The following DLGAP2 variants were observed in gnomAD, a reference collection of about 807,000 sequenced individuals.
DLGAP2 encodes the protein DLG associated protein 2.
Under a neutral mutation model 100.3 loss-of-function variants are expected in DLGAP2, and 26 were observed. That is an observed-to-expected ratio of 0.26 (90% confidence interval 0.19 to 0.36). The LOEUF (loss-of-function observed/expected upper bound fraction) is 0.36, where lower values mean the gene tolerates loss of function less well. Among genes scored for constraint, DLGAP2 ranks in the 10% least tolerant of loss-of-function variants. The probability of loss-of-function intolerance (pLI) is 1.00; values close to 1 mark genes in which losing one functional copy is unlikely to be tolerated. For missense variants in DLGAP2, 1,858 were observed against 1,453.2 expected (o/e 1.28, Z -4.53); for synonymous variants, 886 against 630.1 (o/e 1.41, Z -6.08).
chr8:1,104,578 A>C (rs1804691710), intron 2 of DLGAP2, among the ~76,000 whole-genome samples: 1 of 152,178 alleles, frequency 6.6e-6, no homozygotes, highest in Non-Finnish European at 1.5e-5. Context: ...AATGGTTTCT[A>C]GCCTGGCCGA....
intron 2 of DLGAP2, among the ~76,000 whole-genome samples, chr8:983,061 C>T (rs1042154820): frequency 8.5e-5 from 13 of 152,128 alleles, no homozygotes; most frequent in South Asian, 2.1e-4. Flanking sequence ...ACTTTTCCTG[C>T]GGGATAGGAT....
intron 3 of DLGAP2, among the ~76,000 whole-genome samples, chr8:1,374,886 A>T (rs1802351499): frequency 6.6e-6 from 1 of 151,750 alleles, no homozygotes; most frequent in Non-Finnish European, 1.5e-5. Flanking sequence ...GTCTTCCGTG[A>T]CTCGCCTGTT....
chr8:1,177,549 G>C (rs1389985391), intron 2 of DLGAP2, among the ~76,000 whole-genome samples: 1 of 152,140 alleles, frequency 6.6e-6, no homozygotes, highest in African/African-American at 2.4e-5. Context: ...TCATTTGTTT[G>C]TGTCTTTACT....
At position 1,430,102 on chromosome 8, in the gene DLGAP2, C is replaced by G. The variant is rs374805822; in HGVS notation, c.107-71264C>G. Among the ~76,000 whole-genome samples, 3 of 145,384 alleles carry G rather than the reference C, an allele frequency of 2.1e-5. No individual in the cohort carries two copies. In the South Asian group the frequency reaches 6.8e-4, roughly 33 times the overall value. On this transcript the variant is annotated intron_variant, in intron 3 of 14. Coordinates refer to ENST00000637795, the MANE Select transcript of DLGAP2 (RefSeq NM_001346810.2). ...TGTTACTGTGTGGTAAAATAAACCA[C>G]TGCCGCAGCATTTTGCCTTTTAGGA...
At chr8:997,937 T>C (rs946477580) in intron 2 of DLGAP2, among the ~76,000 whole-genome samples, 12 of 151,606 alleles carry the variant, frequency 7.9e-5, no homozygotes, top group Non-Finnish European at 1.6e-4. Context: ...CACCCATGCA[T>C]ACAGACAAAC....
chr8:836,017 A>G (rs377557367), intron 1 of DLGAP2, among the ~76,000 whole-genome samples: 30 of 152,156 alleles, frequency 2.0e-4, no homozygotes, highest in African/African-American at 6.0e-4. Flanking sequence ...TTTGTCCATG[A>G]GTGTGAATGG....
At chr8:759,324 G>T (rs56874614) in intron 1 of DLGAP2, among the ~76,000 whole-genome samples, 1 of 147,712 alleles carries the variant, frequency 6.8e-6, no homozygotes, top group South Asian at 2.1e-4. Flanking sequence ...AATACTGCCT[G>T]AGTGGTGTGT....
chr8:1,641,634 C>G (rs1797901779), intron 8 of DLGAP2, among the ~76,000 whole-genome samples: 1 of 152,082 alleles, frequency 6.6e-6, no homozygotes, highest in East Asian at 1.9e-4. Context: ...TTTGGAGGGA[C>G]ATGTGTATGG....
Position 1,102,306 on chromosome 8 carries a change from T to C in DLGAP2, c.74-156545T>C, listed in dbSNP as rs957966272. Among the ~76,000 whole-genome samples, 112 of 147,450 alleles carry C rather than the reference T, an allele frequency of 7.6e-4. 1 individual carries two copies. The highest frequency in any genetic ancestry group is 2.5e-3 in the African/African-American group (102 of 40,734). On this transcript the variant is annotated intron_variant, in intron 2 of 14. Transcript: ENST00000637795. ...TAATATAAAAATTACATGTAATATA[T>C]AATTACATAATAATATATATAAATT...
chr8:1,550,874 C>T (rs1801741992), intron 5 of DLGAP2, among the ~76,000 whole-genome samples: 1 of 152,242 alleles, frequency 6.6e-6, no homozygotes, highest in Non-Finnish European at 1.5e-5. Context: ...TGTGTCCCAA[C>T]TCACAAATCA....
rs118103765 is a variant in DLGAP2 at position 1,320,446 on chromosome 8, C to T, written c.106+61563C>T. Among the ~76,000 whole-genome samples the T allele has an allele frequency of 6.6e-5, 10 of 152,136 alleles. No homozygotes were observed. The East Asian group carries it at 1.9e-3, about 30-fold the overall frequency. On this transcript the variant is annotated intron_variant, in intron 3 of 14. Transcript: ENST00000637795. Reference sequence around the variant, plus strand: ...TGAAAAAGGGTGGGTGCGTGGAGCCCAGGGTGTCTGTCTGCCGAGGCTGGG... The same window carrying T: ...TGAAAAAGGGTGGGTGCGTGGAGCCTAGGGTGTCTGTCTGCCGAGGCTGGG...
chr8:750,789 G>A (rs747658320), intron 1 of DLGAP2, among the ~76,000 whole-genome samples: 2 of 152,214 alleles, frequency 1.3e-5, no homozygotes, highest in Non-Finnish European at 2.9e-5. Flanking sequence ...TCTTTATAAT[G>A]AGATGTAGAT....
intron 6 of DLGAP2, among the ~76,000 whole-genome samples, chr8:1,616,232 A>C (rs1360785218): frequency 1.3e-5 from 2 of 152,210 alleles, no homozygotes; most frequent in Non-Finnish European, 2.9e-5. Flanking sequence ...TATTAAAAAA[A>C]AGAATAGAGC....
At chr8:1,210,812 C>T (rs1007410032) in intron 2 of DLGAP2, among the ~76,000 whole-genome samples, 3 of 151,982 alleles carry the variant, frequency 2.0e-5, no homozygotes, top group South Asian at 2.1e-4. Context: ...CCCATGTGGT[C>T]GGTTTTCCCA....
intron 1 of DLGAP2, among the ~76,000 whole-genome samples, chr8:808,435 C>G (rs1283316815): frequency 6.6e-6 from 1 of 152,134 alleles, no homozygotes; most frequent in East Asian, 1.9e-4. Flanking sequence ...ACATTCAGTC[C>G]TAGGAGAGGG....
chr8:914,880 G>T (rs1380967967), intron 2 of DLGAP2, among the ~76,000 whole-genome samples: 2 of 152,172 alleles, frequency 1.3e-5, no homozygotes, highest in African/African-American at 4.8e-5. Context: ...GATCTGTGGG[G>T]CTGGAAATAG....
At chr8:1,442,398 G>A (rs1042445389) in intron 3 of DLGAP2, among the ~76,000 whole-genome samples, 26 of 143,378 alleles carry the variant, frequency 1.8e-4, no homozygotes, top group African/African-American at 5.2e-4. Context: ...AGACGGATCC[G>A]GGCATAGACC....
chr8:1,088,032 C>A (rs143489542), intron 2 of DLGAP2, among the ~76,000 whole-genome samples: 1 of 152,234 alleles, frequency 6.6e-6, no homozygotes, highest in Non-Finnish European at 1.5e-5. Context: ...GGTCCCTTCC[C>A]GTCTGGCTCT....
At chr8:1,548,116 A>G (rs1159775541) in intron 4 of DLGAP2, among the ~76,000 whole-genome samples, 2 of 152,092 alleles carry the variant, frequency 1.3e-5, no homozygotes, top group African/African-American at 2.4e-5. Flanking sequence ...GTCATTAACC[A>G]TTTGGGAACA....
Sources: gnomAD v4.1 joint callset for allele counts (sites outside exome capture counted in the v4.1 genomes callset) on GRCh38, gnomAD v4.1.1 for gene constraint, MANE v1.5 for transcripts, NCBI Gene and HGNC (gene_info 2026-07-23, HGNC 2026-07-21) for gene names.